Variants in PGAP6 observed in about 807,000 individuals in gnomAD.
PGAP6 encodes post-GPI attachment to proteins factor 6.
In PGAP6, 62 loss-of-function variants were observed where a neutral mutation model predicts 68.4. The ratio of observed to expected loss-of-function variants is 0.91; its 90% confidence interval spans 0.74 to 1.12. The LOEUF (loss-of-function observed/expected upper bound fraction) is 1.12, where lower values mean the gene tolerates loss of function less well. PGAP6 is among the 50% of genes most tolerant of loss of function. The pLI, the probability that PGAP6 is intolerant of heterozygous loss-of-function variation, is 0.00. For synonymous variants in PGAP6, 575 were observed against 474.0 expected (o/e 1.21, Z -2.77); for missense variants, 1,188 against 1,068.5 (o/e 1.11, Z -1.56).
chr16:386,227 A>G (rs571464775), upstream of PGAP6, among the ~76,000 whole-genome samples: 15 of 152,048 alleles, frequency 9.9e-5, no homozygotes, highest in Non-Finnish European at 1.0e-4. Flanking sequence ...AAAAATATCA[A>G]AAGTTAAATA....
rs1455847820 is a variant in PGAP6 at position 372,101 on chromosome 16, G to A, written c.2202C>T (p.Ala734=). The A allele has an allele frequency of 1.9e-6, 3 of 1,612,558 alleles. No homozygotes were observed. Among genetic ancestry groups the A allele is most frequent in the Admixed American group, 3.3e-5 (2 of 60,010 alleles). Residue 734 remains alanine, a synonymous_variant, in exon 13 of 13, where the codon GCC becomes GCT. Coordinates refer to ENST00000431232, the MANE Select transcript of PGAP6 (RefSeq NM_021259.3). ...IWHILLAGSA[A]LLLPPPDQPA... is the part of the protein sequence containing the mutation. ...GCTGGTCAGGTGGCGGCAGCAGCAA[G>A]GCTGCGCTCCCGGCCAGCAGGATGT...
chr16:378,071 A>G (rs1017488318), intron 1 of PGAP6, among the ~76,000 whole-genome samples: 6 of 152,014 alleles, frequency 3.9e-5, no homozygotes, highest in African/African-American at 1.5e-4. Flanking sequence ...CCCTCCTGGC[A>G]TCTGGGTCTT....
At chr16:386,869 T>TA, upstream of PGAP6, 1 of 665,572 alleles carries the variant, frequency 1.5e-6, no homozygotes, top group Non-Finnish European at 2.7e-6. Flanking sequence ...CACAGCCACA[T>TA]AAAAAAGAAG....
intron 3 of PGAP6, 42 bp downstream of exon 3, chr16:377,336 G>T: frequency 6.4e-7 from 1 of 1,552,890 alleles, no homozygotes; most frequent in Non-Finnish European, 8.7e-7. Flanking sequence ...GGCCATCGCC[G>T]CAAGGTTCTC....
Position 376,173 on chromosome 16 carries a change from C to T in PGAP6, c.1187G>A (p.Ser396Asn). 6.2e-7 allele frequency: 1 copy of T among 1,610,616 alleles called. No homozygotes were observed. Among genetic ancestry groups the T allele is most frequent in the Non-Finnish European group, 8.5e-7 (1 of 1,178,556 alleles). ...MRLRLNTGMDSGGSLTISLRA... is the reference protein window; with the variant it reads ...MRLRLNTGMDNGGSLTISLRA... ...CAGGGAGATGGTGAGGGAACCCCCG[C>T]TGTCCATGCCGGTGTTCAGGCGCAG... Residue 396 changes from serine (S) to asparagine (N), a missense_variant, in exon 6 of 13, where the codon AGC becomes AAC. By Grantham distance (46) the Ser-to-Asn change is conservative. Transcript: ENST00000431232.
Position 371,838 on chromosome 16 carries a change from C to T in PGAP6, c.*149G>A, listed in dbSNP as rs2054335736. 5 of 787,380 alleles carry T rather than the reference C, an allele frequency of 6.4e-6. No homozygotes were observed. Among genetic ancestry groups the T allele is most frequent in the Non-Finnish European group, 9.9e-6 (5 of 505,178 alleles). 48.8% of individuals were successfully genotyped at this position (787,380 alleles called of 1,614,324 possible). A position where few individuals can be genotyped will look rare whatever the true frequency, so the allele number is the denominator to read the frequency against. Reference sequence around the variant, plus strand: ...GAGGTGCGTGTGAGGGAGGGGTGGCCCTCTCCTCAGTAGGAGGAAGTAAGA... The same window carrying T: ...GAGGTGCGTGTGAGGGAGGGGTGGCTCTCTCCTCAGTAGGAGGAAGTAAGA... On this transcript the variant is annotated 3_prime_UTR_variant, in exon 13 of 13. Coordinates refer to ENST00000431232, the MANE Select transcript of PGAP6 (RefSeq NM_021259.3).
At chr16:375,053 C>T in intron 8 of PGAP6, 80 bp downstream of exon 8, 1 of 1,585,594 alleles carries the variant, frequency 6.3e-7, no homozygotes, top group Non-Finnish European at 8.6e-7. Context: ...CTCCGAACGC[C>T]AACCTCAGGC....
At chr16:376,087 G>T in intron 6 of PGAP6, 49 bp downstream of exon 6, 12 of 1,532,062 alleles carry the variant, frequency 7.8e-6, no homozygotes, top group Non-Finnish European at 8.8e-6. Flanking sequence ...GGGGTTGCCC[G>T]GCGCCCTGCC....
At chr16:373,865 C>G in intron 11 of PGAP6, 140 bp downstream of exon 11, 1 of 1,097,388 alleles carries the variant, frequency 9.1e-7, no homozygotes, top group Non-Finnish European at 1.3e-6. Context: ...GTGTGAGCCA[C>G]CATGCTCGGC....
upstream of PGAP6, among the ~76,000 whole-genome samples, chr16:384,024 G>T (rs968696037): frequency 6.6e-5 from 10 of 152,224 alleles, no homozygotes; most frequent in African/African-American, 2.4e-4. Flanking sequence ...GGGAAAGGGG[G>T]GCTCCCAGGG....
At chr16:379,513 G>A (rs1751761763) in intron 1 of PGAP6, among the ~76,000 whole-genome samples, 1 of 152,226 alleles carries the variant, frequency 6.6e-6, no homozygotes, top group Non-Finnish European at 1.5e-5. Context: ...TCAAGTGCTG[G>A]GAGCTGAAGC....
chr16:381,926 T>TG lies in PGAP6; in HGVS notation c.-106dup. On this transcript the variant is annotated 5_prime_UTR_variant, in exon 1 of 13. The change abolishes the stop of an existing upstream ORF in the 5' untranslated region. Coordinates refer to ENST00000431232, the MANE Select transcript of PGAP6 (RefSeq NM_021259.3). ...CCTCCGCCTCTGCCGCCTCCGCCTC[T>TG]GCCCCCGGCGCCCATGGCCCGGCCG... is the stretch of plus-strand genomic sequence containing the variant. 1 of 969,620 alleles carries TG rather than the reference T, an allele frequency of 1.0e-6. No individual in the cohort carries two copies. The highest frequency in any genetic ancestry group is 1.8e-5 in the African/African-American group (1 of 55,632). 60.1% of individuals were successfully genotyped at this position (969,620 alleles called of 1,614,324 possible). A position where few individuals can be genotyped will look rare whatever the true frequency, so the allele number is the denominator to read the frequency against.
upstream of PGAP6, among the ~76,000 whole-genome samples, chr16:385,915 C>T (rs1440818473): frequency 1.1e-4 from 16 of 152,290 alleles, no homozygotes; most frequent in Non-Finnish European, 8.8e-5. Flanking sequence ...TGAGCCACCG[C>T]GCCCGGCCTA....
chr16:375,548 T>C (rs552405488), intron 6 of PGAP6, 113 bp from the exon 7 acceptor site: 42 of 857,390 alleles, frequency 4.9e-5, no homozygotes, highest in Admixed American at 3.3e-4. Flanking sequence ...TTTTTTTTTT[T>C]CTGAGATGGA....
In PGAP6 at chr16:374,128, G is replaced by A. The variant is rs753889432; in HGVS notation, c.1779C>T (p.Pro593=). ...TGAGGATGCACAGCACCGCCTCCCC[G>A]GGCTGGTCGCAGGCGTGGTAGAACT... ...FSTFYHACDQ[P]GEAVLCILSY... is the part of the protein sequence containing the mutation. Residue 593 remains proline (P), a synonymous_variant, in exon 11 of 13, where the codon CCC becomes CCT. Transcript: ENST00000431232. 7.4e-6 allele frequency: 12 copies of A among 1,611,012 alleles called. No individual in the cohort carries two copies. The African/African-American group carries it at 8.0e-5, about 11-fold the overall frequency.
At chr16:374,693 AC>A in intron 9 of PGAP6, 62 bp downstream of exon 9, 1 of 1,595,976 alleles carries the variant, frequency 6.3e-7, no homozygotes, top group East Asian at 2.2e-5. Flanking sequence ...GGGGAAAGGC[AC>A]AGCACAGCAC....
intron 5 of PGAP6, 43 bp downstream of exon 5, chr16:376,501 T>C (rs760524413): frequency 6.5e-7 from 1 of 1,545,018 alleles, no homozygotes; most frequent in Admixed American, 1.9e-5. Context: ...TCTGGGGATC[T>C]GGGGAGGGGC....
Position 377,720 on chromosome 16 carries a change from G to T in PGAP6, c.250C>A (p.Gln84Lys). ...PDAVLLRWLL[Q>K]VSRESGAACT... ...GCAGCGCCGCTCTCCCGGGAGACCT[G>T]CAGGAGCCAGCGTAGAAGCACAGCA... The change falls in exon 2 of 13, where the codon CAG becomes AAG. Residue 84 changes from glutamine to lysine, a missense_variant. By Grantham distance (53) the Gln-to-Lys change is moderately conservative. Coordinates refer to ENST00000431232, the MANE Select transcript of PGAP6 (RefSeq NM_021259.3). 6.3e-7 allele frequency: 1 copy of T among 1,596,084 alleles called. No individual in the cohort carries two copies. The highest frequency in any genetic ancestry group is 2.3e-5 in the East Asian group (1 of 43,958).
Position 381,967 on chromosome 16 carries a change from GC to G in PGAP6, c.-147del. 1 of 971,500 alleles carries G rather than the reference GC, an allele frequency of 1.0e-6. No individual in the cohort carries two copies. The highest frequency in any genetic ancestry group is 1.2e-6 in the Non-Finnish European group (1 of 818,214). 60.2% of individuals were successfully genotyped at this position (971,500 alleles called of 1,614,324 possible). ...GGCCCGGCCGGTCCCCGCCGCCGTC[GC>G]CCCGGGCACTTCCGCCCGCAGGCCC... On this transcript the variant is annotated 5_prime_UTR_variant, in exon 1 of 13. Coordinates refer to ENST00000431232, the MANE Select transcript of PGAP6 (RefSeq NM_021259.3).
Sources: gnomAD v4.1 joint callset for allele counts (sites outside exome capture counted in the v4.1 genomes callset) on GRCh38, gnomAD v4.1.1 for gene constraint, MANE v1.5 for transcripts, NCBI Gene and HGNC (gene_info 2026-07-23, HGNC 2026-07-21) for gene names.